KCNQ1: variants seen among roughly 807,000 people sequenced by gnomAD.
The protein encoded by KCNQ1 is potassium voltage-gated channel subfamily KQT member 1.
In KCNQ1, 49 loss-of-function variants were observed where a neutral mutation model predicts 72.4. The ratio of observed to expected loss-of-function variants is 0.68; its 90% CI spans 0.54 to 0.86. The LOEUF is 0.86. Among genes scored for constraint, KCNQ1 ranks in the 40% least tolerant of loss-of-function variants. KCNQ1 has a pLI of 0.00. For missense variants in KCNQ1, 790 were observed against 945.1 expected (o/e 0.84, Z 2.15); for synonymous variants, 450 against 412.6 (o/e 1.09, Z -1.10).
At position 2,598,203 on chromosome 11, in the gene KCNQ1, T is replaced by A. The variant is rs753777270; in HGVS notation, c.1393+9349T>A. Reference sequence around the variant, plus strand: ...ATAAATTTTCCTCTGATTGCAGCTTTAGCTGTGACACGTAGATCTGATTAT... The same window carrying A: ...ATAAATTTTCCTCTGATTGCAGCTTAAGCTGTGACACGTAGATCTGATTAT... On this transcript the variant is annotated intron_variant, in intron 10 of 15. Transcript: ENST00000155840. The surrounding 1 kb of genome is among the most constrained non-coding windows in gnomAD (Gnocchi z 6.2). 1.3e-5 allele frequency among the ~76,000 whole-genome samples: 2 copies of A among 152,228 alleles called. No individual in the cohort carries two copies. Among genetic ancestry groups the A allele is most frequent in the Non-Finnish European group, 2.9e-5 (2 of 68,026 alleles).
chr11:2,662,671 C>T (rs1030433454), intron 11 of KCNQ1: 19 of 405,062 alleles, frequency 4.7e-5, no homozygotes, highest in Admixed American at 4.5e-4. Context: ...TGTGACTCCC[C>T]GCTGGGGTGC....
rs1273979574 is a variant in KCNQ1 at position 2,562,429 on chromosome 11, A to C, written c.478-8199A>C. 6.6e-6 allele frequency among the ~76,000 whole-genome samples: 1 copy of C among 152,160 alleles called. No homozygotes were observed. The highest frequency in any genetic ancestry group is 2.4e-5 in the African/African-American group (1 of 41,434). ...CCGAGGCTGGCTCTCTCTGTGGCTT[A>C]TCAGGGCCGGGCCGGTGTGGAGTTG... On this transcript the variant is annotated intron_variant, in intron 2 of 15. Transcript: ENST00000155840. This position sits in a 1 kb window ranked among gnomAD's most constrained non-coding sequence, Gnocchi z 7.5.
chr11:2,519,886 C>T (rs1847351730), intron 1 of KCNQ1, among the ~76,000 whole-genome samples: 2 of 152,144 alleles, frequency 1.3e-5, no homozygotes, highest in Non-Finnish European at 2.9e-5. Flanking sequence ...TTGCATTATC[C>T]AGGGGGCCCA....
At position 2,567,935 on chromosome 11, in the gene KCNQ1, A is replaced by G. The variant is rs1244236063; in HGVS notation, c.478-2693A>G. On this transcript the variant is annotated intron_variant, in intron 2 of 15. Coordinates refer to ENST00000155840, the MANE Select transcript of KCNQ1 (RefSeq NM_000218.3). The surrounding 1 kb of genome is among the most constrained non-coding windows in gnomAD (Gnocchi z 6.6). ...CACACCTATCATTTCAGACCTGCCTAGGACATGCCTGGAGAAGGTATTTAA... is the reference window on the plus strand; with the variant it reads ...CACACCTATCATTTCAGACCTGCCTGGGACATGCCTGGAGAAGGTATTTAA... 6.6e-6 allele frequency among the ~76,000 whole-genome samples: 1 copy of G among 152,228 alleles called. No individual in the cohort carries two copies. The highest frequency in any genetic ancestry group is 2.4e-5 in the African/African-American group (1 of 41,456).
chr11:2,714,953 A>C (rs231847), intron 11 of KCNQ1, among the ~76,000 whole-genome samples: 1 of 151,424 alleles, frequency 6.6e-6, no homozygotes, highest in East Asian at 2.0e-4. Context: ...GCACAAAGCC[A>C]GGGGGGAGCC....
At chr11:2,502,281 T>A (rs1589915866) in intron 1 of KCNQ1, among the ~76,000 whole-genome samples, 1 of 152,328 alleles carries the variant, frequency 6.6e-6, no homozygotes, top group Non-Finnish European at 1.5e-5. Context: ...TGATGTGGTC[T>A]TATATTTGGA....
intron 15 of KCNQ1, among the ~76,000 whole-genome samples, chr11:2,799,633 C>T (rs1466710018): frequency 1.3e-5 from 2 of 152,060 alleles, no homozygotes; most frequent in South Asian, 2.1e-4. Flanking sequence ...CCAAGGGGCT[C>T]GTGCACTCGG....
chr11:2,501,257 T>TA (rs397713597), intron 1 of KCNQ1, among the ~76,000 whole-genome samples: 2 of 150,612 alleles, frequency 1.3e-5, no homozygotes, highest in Non-Finnish European at 3.0e-5. Context: ...GTTTTTTTTT[T>TA]AAAAGATAAA....
In KCNQ1 at chr11:2,775,941, G is replaced by A. The variant is rs1167627067; in HGVS notation, c.1591-19G>A. On this transcript the variant is annotated intron_variant, in intron 12 of 15. Transcript: ENST00000155840. The stretch of plus-strand genomic sequence containing the variant: ...GGGGCACAGGGAGGAGAAGTGATGC[G>A]TGTCTTTTTGTCCCGCAGCAAGCGC... 19 of 1,551,582 alleles carry A rather than the reference G, an allele frequency of 1.2e-5. No homozygotes were observed. The highest frequency in any genetic ancestry group is 1.7e-4 in the Middle Eastern group (1 of 6,018).
intron 11 of KCNQ1, chr11:2,665,317 T>C (rs1170699998): frequency 1.3e-5 from 5 of 397,520 alleles, no homozygotes; most frequent in African/African-American, 2.1e-5. Context: ...GAGAGAAAGG[T>C]GGGAAGTAGA....
rs1174293147 is a variant in KCNQ1, at chr11:2,537,157, T to C, written c.477+9139T>C. Among the ~76,000 whole-genome samples, 1 of 152,010 alleles carries C rather than the reference T, an allele frequency of 6.6e-6. No individual in the cohort carries two copies. ...TGAATTTGAGGGCAACCCAGGGGTC[T>C]CCAAACCATGGCCCACAGGGTGGCT... On this transcript the variant is annotated intron_variant, in intron 2 of 15. Coordinates refer to ENST00000155840, the MANE Select transcript of KCNQ1 (RefSeq NM_000218.3). The surrounding 1 kb of genome is among the most constrained non-coding windows in gnomAD (Gnocchi z 5.2).
At position 2,663,647 on chromosome 11, in the gene KCNQ1, G is replaced by C. The variant is rs1211846465; in HGVS notation, c.1514+1566G>C. 3 of 398,700 alleles carry C rather than the reference G, an allele frequency of 7.5e-6. No individual in the cohort carries two copies. In the East Asian group the frequency reaches 1.1e-4, roughly 14 times the overall value. The allele number at this position is 398,700 out of a possible 1,614,324, so 24.7% of individuals were successfully genotyped here. The stretch of plus-strand genomic sequence containing the variant: ...TCCAGACATGCAAAAAGTCCTACTG[G>C]GAGGAGAGGGCCATCACCCACAGTC... On this transcript the variant is annotated intron_variant, in intron 11 of 15. Transcript: ENST00000155840. The surrounding 1 kb of genome is among the most constrained non-coding windows in gnomAD (Gnocchi z 5.2).
At chr11:2,556,219 G>T (rs1351565945) in intron 2 of KCNQ1, among the ~76,000 whole-genome samples, 2 of 152,210 alleles carry the variant, frequency 1.3e-5, no homozygotes, top group African/African-American at 4.8e-5. Context: ...AACACCAGTT[G>T]TATGGGAATA....
intron 11 of KCNQ1, among the ~76,000 whole-genome samples, chr11:2,738,459 C>T (rs1845995672): frequency 6.6e-6 from 1 of 152,188 alleles, no homozygotes; most frequent in African/African-American, 2.4e-5. Context: ...GCGTGTGTGA[C>T]AAGGGAATCT....
At position 2,592,319 on chromosome 11, in the gene KCNQ1, C is replaced by A. The variant is rs1848681250; in HGVS notation, c.1393+3465C>A. Among the ~76,000 whole-genome samples the A allele has an allele frequency of 6.6e-6, 1 of 152,210 alleles. No individual in the cohort carries two copies. The highest frequency in any genetic ancestry group is 1.5e-5 in the Non-Finnish European group (1 of 68,034). The stretch of plus-strand genomic sequence containing the variant: ...TGTCGAGAGGCACAGGCAGGTATGG[C>A]AGTGGCAGACCTCAGGGGAGGGAGG... On this transcript the variant is annotated intron_variant, in intron 10 of 15. Transcript: ENST00000155840. This position sits in a 1 kb window ranked among gnomAD's most constrained non-coding sequence, Gnocchi z 5.2.
At chr11:2,729,506 C>T (rs1360122135) in intron 11 of KCNQ1, among the ~76,000 whole-genome samples, 5 of 152,194 alleles carry the variant, frequency 3.3e-5, no homozygotes, top group South Asian at 4.1e-4. Flanking sequence ...CAATGGGAGA[C>T]GTATAAGGGC....
At chr11:2,582,461 C>T (rs2133749118) in intron 6 of KCNQ1, among the ~76,000 whole-genome samples, 1 of 152,334 alleles carries the variant, frequency 6.6e-6, no homozygotes, top group East Asian at 1.9e-4. Context: ...TGGGGGTCTC[C>T]ATGTGGTTCC....
Position 2,544,076 on chromosome 11 carries a change from A to G in KCNQ1, c.477+16058A>G, listed in dbSNP as rs1847863842. 6.6e-6 allele frequency among the ~76,000 whole-genome samples: 1 copy of G among 152,032 alleles called. No individual in the cohort carries two copies. Among genetic ancestry groups the G allele is most frequent in the Non-Finnish European group, 1.5e-5 (1 of 68,018 alleles). On this transcript the variant is annotated intron_variant, in intron 2 of 15. Transcript: ENST00000155840. This position sits in a 1 kb window ranked among gnomAD's most constrained non-coding sequence, Gnocchi z 4.4. ...GTGTTGGTTGTTCGGGGTCCTTTGC[A>G]TTTACATATAAATTTTGGAAGCTGC...
chr11:2,476,416 C>A (rs1364540333), intron 1 of KCNQ1, among the ~76,000 whole-genome samples: 2 of 151,674 alleles, frequency 1.3e-5, no homozygotes, highest in African/African-American at 4.9e-5. Context: ...ATCTGTACAC[C>A]GAGGCAAATT....
Sources: allele counts gnomAD v4.1 joint callset (sites outside exome capture counted in the v4.1 genomes callset), GRCh38; gene constraint gnomAD v4.1.1; non-coding constraint Gnocchi (gnomAD v3.1); transcripts MANE v1.5; gene names NCBI Gene and HGNC (gene_info 2026-07-23, HGNC 2026-07-21).